WDFY4: variants seen among roughly 807,000 people sequenced by gnomAD.
WDFY4 encodes the protein WD repeat- and FYVE domain-containing protein 4.
In WDFY4, 169 loss-of-function variants were observed where a neutral mutation model predicts 351.9. The observed-to-expected ratio is 0.48, with a 90% confidence interval of 0.42 to 0.55. The LOEUF (loss-of-function observed/expected upper bound fraction) is 0.55. WDFY4 is among the 20% of genes least tolerant of loss of function. The pLI is 0.00. For synonymous variants in WDFY4, 1,622 were observed against 1,574.6 expected (o/e 1.03, Z -0.71); for missense variants, 3,803 against 3,935.6 (o/e 0.97, Z 0.90).
intron 32 of WDFY4, among the ~76,000 whole-genome samples, chr10:48,818,983 A>T (rs185161781): frequency 2.0e-5 from 3 of 152,182 alleles, no homozygotes; most frequent in Non-Finnish European, 4.4e-5. Flanking sequence ...GCGGCCTAAC[A>T]TTCTCTACCC....
chr10:48,932,995 G>C (rs1411079529), intron 47 of WDFY4, among the ~76,000 whole-genome samples: 1 of 152,140 alleles, frequency 6.6e-6, no homozygotes, highest in African/African-American at 2.4e-5. Context: ...ACAACATAAG[G>C]CCTTCTATAA....
intron 12 of WDFY4, among the ~76,000 whole-genome samples, chr10:48,760,109 C>A (rs962155406): frequency 2.0e-5 from 3 of 152,146 alleles, no homozygotes; most frequent in African/African-American, 7.2e-5. Flanking sequence ...ATGGGTCAGG[C>A]ACTGTGCCTT....
intron 13 of WDFY4, 75 bp from the exon 14 acceptor site, chr10:48,774,383 A>G (rs746932592): frequency 4.1e-6 from 6 of 1,477,978 alleles, no homozygotes; most frequent in South Asian, 1.2e-5. Context: ...ACCCCAGGCC[A>G]AGTTGGAGCC....
chr10:48,787,888 CTTCTCCTT>C (rs2066491242), intron 20 of WDFY4, among the ~76,000 whole-genome samples: 1 of 73,572 alleles, frequency 1.4e-5, no homozygotes, highest in African/African-American at 9.7e-5. Flanking sequence ...CTTTCTTCTT[CTTCTCCTT>C]CTTCTTCTTC....
rs115236881 is a variant in WDFY4, at chr10:48,789,790, G to A, written c.3955-84G>A. 2.6e-4 allele frequency: 343 copies of A among 1,294,842 alleles called. 1 individual carries two copies. The African/African-American group carries it at 4.6e-3, about 18-fold the overall frequency. The allele number at this position is 1,294,842 out of a possible 1,614,324, so 80.2% of individuals were successfully genotyped here. A position where few individuals can be genotyped will look rare whatever the true frequency, so the allele number is the denominator to read the frequency against. On this transcript the variant is annotated intron_variant, in intron 21 of 61. Transcript: ENST00000325239. ...AGTGTCAGCACTGGGCCAGGCCCCA[G>A]AGGGCCTGCCCTCCAGGAGCTCGTG...
chr10:48,835,083 A>G (rs2068337990), intron 39 of WDFY4, among the ~76,000 whole-genome samples: 1 of 152,216 alleles, frequency 6.6e-6, no homozygotes. Flanking sequence ...CATTCAACAA[A>G]TATTTATTGA....
At chr10:48,826,417 G>GT (rs568726540) in intron 35 of WDFY4, among the ~76,000 whole-genome samples, 107 of 151,722 alleles carry the variant, frequency 7.1e-4, no homozygotes, top group South Asian at 1.5e-3. Context: ...CTCCAGCTTT[G>GT]TTTTTTTTGC....
intron 23 of WDFY4, among the ~76,000 whole-genome samples, 175 bp from the exon 24 acceptor site, chr10:48,796,123 A>G (rs116581626): frequency 0.016 from 2,439 of 152,312 alleles, 65 homozygotes; most frequent in African/African-American, 0.052. Flanking sequence ...AAGTCAGGTC[A>G]TAGCACAGAA....
At chr10:48,937,817 A>C (rs779909735) in intron 47 of WDFY4, among the ~76,000 whole-genome samples, 39 of 152,186 alleles carry the variant, frequency 2.6e-4, no homozygotes, top group Non-Finnish European at 5.0e-4. Context: ...CTGGGTTTAA[A>C]AAGTAGAGTC....
chr10:48,942,019 C>T (rs1477735800), intron 48 of WDFY4, among the ~76,000 whole-genome samples, 171 bp downstream of exon 48: 3 of 152,146 alleles, frequency 2.0e-5, no homozygotes, highest in African/African-American at 7.2e-5. Flanking sequence ...AGCTGGAGTG[C>T]AGTGGCATGA....
At position 48,807,939 on chromosome 10, in the gene WDFY4, C is replaced by A; in HGVS notation, c.4819C>A (p.Gln1607Lys). ...EMLLSVISSP[Q>K]LHLSSESKEE... ...GCTGCTCAGTGTAATATCTTCCCCCCAGCTTCATCTGTCCTCTGAGTAAGT... is the reference window on the plus strand; with the variant it reads ...GCTGCTCAGTGTAATATCTTCCCCCAAGCTTCATCTGTCCTCTGAGTAAGT... Residue 1607 changes from glutamine (Q) to lysine (K), a missense_variant, in exon 28 of 62, where the codon CAG becomes AAG. Physicochemically the swap from Gln to Lys is moderately conservative, Grantham distance 53 (BLOSUM62 1). Coordinates refer to ENST00000325239, the MANE Select transcript of WDFY4 (RefSeq NM_001394531.1). 1.3e-6 allele frequency: 2 copies of A among 1,547,274 alleles called. No individual in the cohort carries two copies. Among genetic ancestry groups the A allele is most frequent in the Non-Finnish European group, 1.7e-6 (2 of 1,145,334 alleles).
intron 5 of WDFY4, among the ~76,000 whole-genome samples, chr10:48,724,477 G>A (rs1277847997): frequency 6.6e-6 from 1 of 152,048 alleles, no homozygotes; most frequent in East Asian, 1.9e-4. Flanking sequence ...CTGCTTGTAT[G>A]TAAATCATAT....
At chr10:48,736,352 A>G in intron 11 of WDFY4, 1 of 598,378 alleles carries the variant, frequency 1.7e-6, no homozygotes, top group Non-Finnish European at 3.0e-6. Context: ...CAGACAAGGG[A>G]AGAGAGACCA....
intron 42 of WDFY4, among the ~76,000 whole-genome samples, chr10:48,875,380 CT>C (rs1324678966): frequency 6.6e-6 from 1 of 152,164 alleles, no homozygotes; most frequent in Non-Finnish European, 1.5e-5. Context: ...GAGAAACAGT[CT>C]TGTCAATTTG....
intron 28 of WDFY4, among the ~76,000 whole-genome samples, chr10:48,808,481 G>T (rs1202269731): frequency 6.6e-6 from 1 of 152,210 alleles, no homozygotes; most frequent in Non-Finnish European, 1.5e-5. Context: ...CTGCCTGCCT[G>T]CTTTACCTCC....
chr10:48,784,332 T>C (rs1420600193), intron 19 of WDFY4, among the ~76,000 whole-genome samples: 1 of 152,216 alleles, frequency 6.6e-6, no homozygotes, highest in Admixed American at 6.5e-5. Flanking sequence ...GCAGTTTTTC[T>C]GCACTTAGCA....
At chr10:48,729,624 T>C (rs2064386978) in intron 8 of WDFY4, 35 bp downstream of exon 8, 1 of 1,549,166 alleles carries the variant, frequency 6.5e-7, no homozygotes, top group African/African-American at 1.4e-5. Flanking sequence ...ACCGGAAGAG[T>C]CAGTGCTGAG....
In WDFY4 at chr10:48,790,708, C is replaced by T. The variant is rs779803669; in HGVS notation, c.4067-19C>T. On this transcript the variant is annotated intron_variant, in intron 22 of 61. Coordinates refer to ENST00000325239, the MANE Select transcript of WDFY4 (RefSeq NM_001394531.1). ...GAAGCTGTGACATGTTGATGAAATG[C>T]CCACTTTATGCCACACAGGGGTGAG... The T allele has an allele frequency of 2.6e-6, 4 of 1,547,948 alleles. No individual in the cohort carries two copies. The South Asian group carries it at 4.8e-5, about 18-fold the overall frequency.
At chr10:48,737,760 G>A (rs2132383209) in intron 11 of WDFY4, among the ~76,000 whole-genome samples, 1 of 152,344 alleles carries the variant, frequency 6.6e-6, no homozygotes. Flanking sequence ...TTGAGGTAAG[G>A]GAAGTGAGAG....
Sources: gnomAD v4.1 joint callset for allele counts (sites outside exome capture counted in the v4.1 genomes callset) on GRCh38, gnomAD v4.1.1 for gene constraint, MANE v1.5 for transcripts, NCBI Gene and HGNC (gene_info 2026-07-23, HGNC 2026-07-21) for gene names.